Variants in CCDC27 observed in about 807,000 individuals in gnomAD.
The protein encoded by CCDC27 is coiled-coil domain-containing protein 27.
Under a neutral mutation model 80.3 loss-of-function variants are expected in CCDC27, and 80 were observed. The observed-to-expected ratio is 1.00, with a 90% CI of 0.83 to 1.20. The LOEUF (loss-of-function observed/expected upper bound fraction) is 1.20. Ranked by LOEUF, CCDC27 falls within the 50% of genes most tolerant of loss-of-function variation. The pLI, the probability that CCDC27 is intolerant of heterozygous loss-of-function variation, is 0.00. For synonymous variants in CCDC27, 342 were observed against 334.3 expected (o/e 1.02, Z -0.25); for missense variants, 815 against 809.4 (o/e 1.01, Z -0.08).
In CCDC27 at chr1:3,767,456, C is replaced by T. The variant is rs753212689; in HGVS notation, c.1743+11C>T. On this transcript the variant is annotated intron_variant, in intron 10 of 11. Transcript: ENST00000294600. ...AGCTCCCAGTCCAGGGTATGCCCAG[C>T]CCTTCCTCCTGAGGGTCTGTCCCAG... The T allele has an allele frequency of 1.9e-6, 3 of 1,601,834 alleles. No individual in the cohort carries two copies. Among genetic ancestry groups the T allele is most frequent in the Admixed American group, 1.7e-5 (1 of 59,318 alleles).
rs1223719158 is a variant in CCDC27, at chr1:3,752,617, T to C, written c.136T>C (p.Leu46=). The stretch of plus-strand genomic sequence containing the variant: ...TGGTCTTTGCATCCCACGCCTCATG[T>C]TACCTAAGGAGGCCAGCCCATCTCA... ...SLGLCIPRLM[L]PKEASPSQRH... Residue 46 remains leucine, a synonymous_variant, in exon 1 of 12, where the codon TTA becomes CTA. Coordinates refer to ENST00000294600, the MANE Select transcript of CCDC27 (RefSeq NM_152492.3). 6.2e-7 allele frequency: 1 copy of C among 1,614,118 alleles called. No homozygotes were observed. Among genetic ancestry groups the C allele is most frequent in the African/African-American group, 1.3e-5 (1 of 74,960 alleles).
chr1:3,767,960 G>T (rs958596257), intron 10 of CCDC27, among the ~76,000 whole-genome samples: 4 of 152,200 alleles, frequency 2.6e-5, no homozygotes, highest in African/African-American at 9.7e-5. Context: ...CTGCTTTGCG[G>T]TGGTGCTGGG....
intron 3 of CCDC27, 44 bp from the exon 4 acceptor site, chr1:3,756,689 A>G: frequency 6.2e-7 from 1 of 1,607,454 alleles, no homozygotes. Flanking sequence ...GGAGCTCGGC[A>G]GGGAAGGGTC....
chr1:3,771,329 C>A lies in CCDC27; in HGVS notation c.1849-72C>A, dbSNP rs1643357559. ...TGGCGTCCCGGGCAGCTGGCACGGA[C>A]TGTGCAGACCGGCCTCAAGGCCAAG... On this transcript the variant is annotated intron_variant, in intron 11 of 11. Transcript: ENST00000294600. 1.9e-6 allele frequency: 3 copies of A among 1,601,288 alleles called. No homozygotes were observed. In the East Asian group the frequency reaches 6.7e-5, roughly 36 times the overall value.
In CCDC27 at chr1:3,761,525, C is replaced by A; in HGVS notation, c.861+95C>A. ...AGTGACACACAGGCCCCTGGCAAAC[C>A]CCCAGGCCCCCTGGATCCTATCAGG... On this transcript the variant is annotated intron_variant, in intron 5 of 11. Transcript: ENST00000294600. This position sits in a 1 kb window ranked among gnomAD's most constrained non-coding sequence, Gnocchi z 5.0. The A allele has an allele frequency of 7.0e-7, 1 of 1,423,236 alleles. No homozygotes were observed. The highest frequency in any genetic ancestry group is 9.5e-7 in the Non-Finnish European group (1 of 1,052,672). 88.2% of individuals were successfully genotyped at this position (1,423,236 alleles called of 1,614,324 possible).
chr1:3,753,589 G>A (rs1339426190), intron 1 of CCDC27, among the ~76,000 whole-genome samples: 1 of 152,196 alleles, frequency 6.6e-6, no homozygotes, highest in Admixed American at 6.5e-5. Context: ...GCCCGCCTTG[G>A]CCTCCCAAAG....
chr1:3,762,992 C>A, intron 6 of CCDC27, 116 bp from the exon 7 acceptor site: 2 of 1,292,254 alleles, frequency 1.5e-6, no homozygotes, highest in Admixed American at 3.0e-5. Context: ...CTCCCTGGAC[C>A]CTGCAGCAGC....
In CCDC27 at chr1:3,756,623, T is replaced by C. The variant is rs572756380; in HGVS notation, c.554-110T>C. The C allele has an allele frequency of 2.7e-6, 3 of 1,119,222 alleles. No individual in the cohort carries two copies. The Admixed American group carries it at 5.5e-5, about 20-fold the overall frequency. 69.3% of individuals were successfully genotyped at this position (1,119,222 alleles called of 1,614,324 possible). On this transcript the variant is annotated intron_variant, in intron 3 of 11. Coordinates refer to ENST00000294600, the MANE Select transcript of CCDC27 (RefSeq NM_152492.3). ...ACAGATTGGAGTCTGTCTGGGCAGA[T>C]AGGGGTTTCCGAGGGAAGTCTCGGA...
At chr1:3,753,998 T>A in intron 1 of CCDC27, 120 bp from the exon 2 acceptor site, 1 of 1,444,940 alleles carries the variant, frequency 6.9e-7, no homozygotes, top group Non-Finnish European at 9.4e-7. Context: ...TACATACGAC[T>A]CATAGGCACC....
rs755595122 is a variant in CCDC27 at position 3,763,694 on chromosome 1, C to G, written c.1322-12C>G. The G allele has an allele frequency of 6.8e-6, 11 of 1,613,948 alleles. No individual in the cohort carries two copies. Among genetic ancestry groups the G allele is most frequent in the Non-Finnish European group, 8.5e-6 (10 of 1,179,952 alleles). ...GCTTGCTCCTGCTCACCGCCTCTGC[C>G]TCTGTGCCCAGGAGTGATTGCGTCT... On this transcript the variant is annotated splice_polypyrimidine_tract_variant and intron_variant, in intron 7 of 11. Coordinates refer to ENST00000294600, the MANE Select transcript of CCDC27 (RefSeq NM_152492.3). The surrounding 1 kb of genome is among the most constrained non-coding windows in gnomAD (Gnocchi z 7.5).
intron 4 of CCDC27, among the ~76,000 whole-genome samples, chr1:3,758,652 T>C (rs1189831767): frequency 6.6e-6 from 1 of 152,170 alleles, no homozygotes; most frequent in African/African-American, 2.4e-5. Flanking sequence ...TGGAGCGCAG[T>C]GGAGTGATCC....
chr1:3,763,527 C>G lies in CCDC27; in HGVS notation c.1321+53C>G. 1.3e-6 allele frequency: 2 copies of G among 1,550,754 alleles called. No homozygotes were observed. The highest frequency in any genetic ancestry group is 1.7e-6 in the Non-Finnish European group (2 of 1,148,050). On this transcript the variant is annotated intron_variant, in intron 7 of 11. Transcript: ENST00000294600. The surrounding 1 kb of genome is among the most constrained non-coding windows in gnomAD (Gnocchi z 7.5). ...TTTGGCCACTCAGTGGTTCCCGGCC[C>G]AGGAGCTGGGACGCCCAGACGCTGC...
intron 2 of CCDC27, among the ~76,000 whole-genome samples, 193 bp downstream of exon 2, chr1:3,754,434 C>G (rs763763819): frequency 2.2e-4 from 34 of 152,100 alleles, no homozygotes; most frequent in Non-Finnish European, 3.8e-4. Flanking sequence ...TGGAGGGGGG[C>G]CCACTTCTCC....
rs1202171810 is a variant in CCDC27 at position 3,754,851 on chromosome 1, G to C, written c.443-606G>C. Among the ~76,000 whole-genome samples the C allele has an allele frequency of 3.6e-5, 5 of 140,256 alleles. No homozygotes were observed. The East Asian group carries it at 1.3e-3, about 36-fold the overall frequency. 92.0% of individuals were successfully genotyped at this position (140,256 alleles called of 152,430 possible). On this transcript the variant is annotated intron_variant, in intron 2 of 11. Coordinates refer to ENST00000294600, the MANE Select transcript of CCDC27 (RefSeq NM_152492.3). Reference sequence around the variant, plus strand: ...TAACCAGTAGCAAGGGTGGGGTGGGGGGGTTGGGGAGGGGGTCCCGTGCTG... The same window carrying C: ...TAACCAGTAGCAAGGGTGGGGTGGGCGGGTTGGGGAGGGGGTCCCGTGCTG...
intron 11 of CCDC27, among the ~76,000 whole-genome samples, chr1:3,770,300 C>A (rs1363316461): frequency 1.3e-5 from 2 of 152,198 alleles, no homozygotes; most frequent in Non-Finnish European, 2.9e-5. Flanking sequence ...GTGCAGACCC[C>A]TCCCACCCCG....
intron 3 of CCDC27, chr1:3,755,827 C>T: frequency 6.6e-6 from 3 of 456,524 alleles, no homozygotes; most frequent in South Asian, 2.5e-5. Flanking sequence ...GTCCCCTTGG[C>T]CTTTACCCAG....
Position 3,754,169 on chromosome 1 carries a change from CT to C in CCDC27, c.372del (p.Arg125GlufsTer85). 6.2e-7 allele frequency: 1 copy of C among 1,613,856 alleles called. No individual in the cohort carries two copies. Among genetic ancestry groups the C allele is most frequent in the Non-Finnish European group, 8.5e-7 (1 of 1,179,928 alleles). On this transcript the variant is annotated frameshift_variant, in exon 2 of 12. Coordinates refer to ENST00000294600, the MANE Select transcript of CCDC27 (RefSeq NM_152492.3). LOFTEE classifies it high-confidence loss of function. ...SLTGFMSKMELRRVFPTHPDC... is the reference protein window; with the variant it reads ...SLTGFMSKMEXRRVFPTHPDC... ...CACCGGCTTCATGTCCAAAATGGAA[CT>C]TCGAAGGGTCTTCCCCACGCATCCT...
chr1:3,754,040 A>T, intron 1 of CCDC27, 78 bp from the exon 2 acceptor site: 1 of 1,564,310 alleles, frequency 6.4e-7, no homozygotes, highest in Non-Finnish European at 8.7e-7. Flanking sequence ...TGGTTTAGGG[A>T]AACAGGGTCT....
chr1:3,767,571 C>T (rs1337604161), intron 10 of CCDC27, 126 bp downstream of exon 10: 16 of 737,386 alleles, frequency 2.2e-5, no homozygotes, highest in African/African-American at 5.3e-5. Context: ...CTGGTTCTGC[C>T]GTGTACACCA....
Sources: allele counts gnomAD v4.1 joint callset (sites outside exome capture counted in the v4.1 genomes callset), GRCh38; gene constraint gnomAD v4.1.1; non-coding constraint Gnocchi (gnomAD v3.1); transcripts MANE v1.5; gene names NCBI Gene and HGNC (gene_info 2026-07-23, HGNC 2026-07-21).